Variants in LSM8 observed in about 807,000 individuals in gnomAD.
LSM8 encodes LSM8 U6 small nuclear RNA associated.
Under a neutral mutation model 15.0 loss-of-function variants are expected in LSM8, and 14 were observed. That is an observed-to-expected ratio of 0.93 (90% confidence interval 0.62 to 1.46). The LOEUF (loss-of-function observed/expected upper bound fraction) is 1.46. Among genes scored for constraint, LSM8 ranks in the 40% most tolerant of loss-of-function variants. LSM8 has a pLI of 0.00. For synonymous variants in LSM8, 50 were observed against 42.1 expected, an observed-to-expected ratio of 1.19 and a Z score of -0.73; for missense variants, 90 against 115.4, an observed-to-expected ratio of 0.78 and a Z score of 1.01.
At position 118,203,201 on chromosome 7, in the gene LSM8, T is replaced by C. The variant is rs1809195955; in HGVS notation, c.*11199T>C. On this transcript the variant is annotated 3_prime_UTR_variant, in exon 4 of 4. Transcript: ENST00000249299. ...TAAGAAGACTCATTTAAAAAATTAATCTCAAAAAACAGATTTTAAATTGTA... is the reference window on the plus strand; with the variant it reads ...TAAGAAGACTCATTTAAAAAATTAACCTCAAAAAACAGATTTTAAATTGTA... Among the ~76,000 whole-genome samples, 1 of 151,888 alleles carries C rather than the reference T, an allele frequency of 6.6e-6. No individual in the cohort carries two copies. The highest frequency in any genetic ancestry group is 2.1e-4 in the South Asian group (1 of 4,832).
At chr7:118,184,476 A>C in intron 1 of LSM8, 1 of 453,216 alleles carries the variant, frequency 2.2e-6, no homozygotes, top group Non-Finnish European at 3.8e-6. Flanking sequence ...CCAAATAAAA[A>C]CCCAGTGTGA....
In LSM8 at chr7:118,199,115, C is replaced by A. The variant is rs1273132066; in HGVS notation, c.*7113C>A. Among the ~76,000 whole-genome samples the A allele has an allele frequency of 6.6e-6, 1 of 152,168 alleles. No individual in the cohort carries two copies. Among genetic ancestry groups the A allele is most frequent in the Admixed American group, 6.5e-5 (1 of 15,270 alleles). On this transcript the variant is annotated 3_prime_UTR_variant, in exon 4 of 4. Coordinates refer to ENST00000249299, the MANE Select transcript of LSM8 (RefSeq NM_016200.5). Reference sequence around the variant, plus strand: ...TTCTCCTGATTTTCACCCTGCACACCTTTTCCATTTACTGATTTTAATCTA... The same window carrying A: ...TTCTCCTGATTTTCACCCTGCACACATTTTCCATTTACTGATTTTAATCTA...
In LSM8 at chr7:118,198,144, T is replaced by C. The variant is rs1217031995; in HGVS notation, c.*6142T>C. 6.6e-6 allele frequency among the ~76,000 whole-genome samples: 1 copy of C among 152,154 alleles called. No individual in the cohort carries two copies. Among genetic ancestry groups the C allele is most frequent in the Non-Finnish European group, 1.5e-5 (1 of 68,022 alleles). On this transcript the variant is annotated 3_prime_UTR_variant, in exon 4 of 4. Coordinates refer to ENST00000249299, the MANE Select transcript of LSM8 (RefSeq NM_016200.5). ...TAATGTGATGTTTTTAATCACATAT[T>C]TTAAAATTAAAAATTTGATCAAATT...
chr7:118,203,757 A>T lies in LSM8; in HGVS notation c.*11755A>T, dbSNP rs77873447. On this transcript the variant is annotated 3_prime_UTR_variant, in exon 4 of 4. Coordinates refer to ENST00000249299, the MANE Select transcript of LSM8 (RefSeq NM_016200.5). ...CAGTTTAGTTGAGAAAATAAATCAT[A>T]ATTTGTGATTTCAAACATTTAATAT... Among the ~76,000 whole-genome samples the T allele has an allele frequency of 0.069, 10,414 of 151,876 alleles. 388 individuals carry two copies. Among genetic ancestry groups the T allele is most frequent in the East Asian group, 0.11 (564 of 5,168 alleles).
At chr7:118,187,223 A>G (rs951640820) in intron 2 of LSM8, among the ~76,000 whole-genome samples, 1 of 152,186 alleles carries the variant, frequency 6.6e-6, no homozygotes, top group Non-Finnish European at 1.5e-5. Context: ...CTCATTTTAT[A>G]TATTTTGACT....
intron 3 of LSM8, 161 bp from the exon 4 acceptor site, chr7:118,191,751 C>A (rs1029297045): frequency 5.2e-6 from 3 of 573,732 alleles, no homozygotes; most frequent in African/African-American, 3.8e-5. Context: ...CACTGACTCA[C>A]GCCAATGTTG....
In LSM8 at chr7:118,193,941, G is replaced by C. The variant is rs1351666979; in HGVS notation, c.*1939G>C. On this transcript the variant is annotated 3_prime_UTR_variant, in exon 4 of 4. Transcript: ENST00000249299. ...CTTATAAAGCTGTATTTTCCTGATT[G>C]ATGTTGGAAAAAGCATTCCCAAAAT... 6.6e-6 allele frequency among the ~76,000 whole-genome samples: 1 copy of C among 152,038 alleles called. No individual in the cohort carries two copies. The highest frequency in any genetic ancestry group is 1.5e-5 in the Non-Finnish European group (1 of 67,954).
In LSM8 at chr7:118,194,420, C is replaced by T. The variant is rs1182022706; in HGVS notation, c.*2418C>T. Among the ~76,000 whole-genome samples, 1 of 151,590 alleles carries T rather than the reference C, an allele frequency of 6.6e-6. No individual in the cohort carries two copies. Among genetic ancestry groups the T allele is most frequent in the African/African-American group, 2.4e-5 (1 of 41,246 alleles). On this transcript the variant is annotated 3_prime_UTR_variant, in exon 4 of 4. Coordinates refer to ENST00000249299, the MANE Select transcript of LSM8 (RefSeq NM_016200.5). ...AAACTAATAGTTTAAAATAACATTG[C>T]TTTTATGTCAAAGCACTTTGGTAAC...
chr7:118,184,365 G>T, intron 1 of LSM8, 111 bp downstream of exon 1: 1 of 1,259,396 alleles, frequency 7.9e-7, no homozygotes, highest in East Asian at 3.1e-5. Flanking sequence ...GGGGGCGGGC[G>T]AGGAGATGAG....
At chr7:118,184,349 G>A in intron 1 of LSM8, 95 bp downstream of exon 1, 5 of 1,342,668 alleles carry the variant, frequency 3.7e-6, no homozygotes, top group Non-Finnish European at 4.9e-6. Flanking sequence ...GCCTCGGCGG[G>A]ATCCTGGGGG....
Position 118,188,135 on chromosome 7 carries a change from T to A in LSM8, c.73-143T>A, listed in dbSNP as rs572505706. ...TAAATTGTGTACCCTCGAATACTGT[T>A]GGTTATAAAAAAGGCATTTTATTTG... On this transcript the variant is annotated intron_variant, in intron 2 of 3. Coordinates refer to ENST00000249299, the MANE Select transcript of LSM8 (RefSeq NM_016200.5). 1.9e-4 allele frequency: 164 copies of A among 860,426 alleles called. 2 individuals carry two copies. In the South Asian group the frequency reaches 2.5e-3, roughly 13 times the overall value. 53.3% of individuals were successfully genotyped at this position (860,426 alleles called of 1,614,324 possible).
At position 118,184,189 on chromosome 7, in the gene LSM8, C is replaced by T. The variant is rs908034202; in HGVS notation, c.-35C>T. ...CTTTCAGTTCTGCTTGCTGTCGGCA[C>T]CGCTGCGTTACCCGGAACCGCCGGG... On this transcript the variant is annotated 5_prime_UTR_variant, in exon 1 of 4. Coordinates refer to ENST00000249299, the MANE Select transcript of LSM8 (RefSeq NM_016200.5). 6 of 1,543,260 alleles carry T rather than the reference C, an allele frequency of 3.9e-6. No individual in the cohort carries two copies. Among genetic ancestry groups the T allele is most frequent in the Non-Finnish European group, 5.2e-6 (6 of 1,143,282 alleles).
At position 118,196,010 on chromosome 7, in the gene LSM8, T is replaced by C. The variant is rs1584709451; in HGVS notation, c.*4008T>C. On this transcript the variant is annotated 3_prime_UTR_variant, in exon 4 of 4. Transcript: ENST00000249299. ...GATGCTTTGATGTGATCTTCATTCC[T>C]CTGTATAGTGGGAAACCATGAGACG... Among the ~76,000 whole-genome samples, 1 of 152,220 alleles carries C rather than the reference T, an allele frequency of 6.6e-6. No homozygotes were observed. The highest frequency in any genetic ancestry group is 1.9e-4 in the East Asian group (1 of 5,200).
At position 118,194,375 on chromosome 7, in the gene LSM8, T is replaced by A. The variant is rs946817800; in HGVS notation, c.*2373T>A. 6.9e-6 allele frequency among the ~76,000 whole-genome samples: 1 copy of A among 145,632 alleles called. No homozygotes were observed. Among genetic ancestry groups the A allele is most frequent in the Non-Finnish European group, 1.5e-5 (1 of 66,020 alleles). On this transcript the variant is annotated 3_prime_UTR_variant, in exon 4 of 4. Coordinates refer to ENST00000249299, the MANE Select transcript of LSM8 (RefSeq NM_016200.5). ...ACTGCAAAAGGGACTTTTTTTTTTT[T>A]AACTGACAAGATACTATCTAAACTA...
rs1334281761 is a variant in LSM8 at position 118,203,445 on chromosome 7, A to T, written c.*11443A>T. 6.7e-6 allele frequency among the ~76,000 whole-genome samples: 1 copy of T among 149,234 alleles called. No individual in the cohort carries two copies. The highest frequency in any genetic ancestry group is 2.6e-5 in the African/African-American group (1 of 38,956). ...TTCAAGCTGTAGACTTAAATTTTTT[A>T]AATAGAGTAATGGTTGTTTAGTAGA... On this transcript the variant is annotated 3_prime_UTR_variant, in exon 4 of 4. Transcript: ENST00000249299.
chr7:118,185,609 C>T, intron 1 of LSM8, 45 bp from the exon 2 acceptor site: 3 of 1,523,910 alleles, frequency 2.0e-6, no homozygotes, highest in Non-Finnish European at 2.7e-6. Flanking sequence ...AGTCTGTTTT[C>T]AATTTGCATT....
rs1179761438 is a variant in LSM8, at chr7:118,202,494, A to G, written c.*10492A>G. ...CGTGACTCATATTTTCCATCTAATT[A>G]GAATAAAGAAAGATGAAATAGGAAA... On this transcript the variant is annotated 3_prime_UTR_variant, in exon 4 of 4. Transcript: ENST00000249299. 5.9e-5 allele frequency among the ~76,000 whole-genome samples: 9 copies of G among 152,032 alleles called. No homozygotes were observed. The highest frequency in any genetic ancestry group is 2.2e-4 in the African/African-American group (9 of 41,420).
rs1394419905 is a variant in LSM8 at position 118,196,257 on chromosome 7, C to T, written c.*4255C>T. Among the ~76,000 whole-genome samples the T allele has an allele frequency of 6.6e-6, 1 of 152,164 alleles. No individual in the cohort carries two copies. The highest frequency in any genetic ancestry group is 2.4e-5 in the African/African-American group (1 of 41,438). On this transcript the variant is annotated 3_prime_UTR_variant, in exon 4 of 4. Coordinates refer to ENST00000249299, the MANE Select transcript of LSM8 (RefSeq NM_016200.5). ...TCTGTATCTACCTCAACCAAATCATCTTGACTCAGATTTACTGTCGAAGGT... is the reference window on the plus strand; with the variant it reads ...TCTGTATCTACCTCAACCAAATCATTTTGACTCAGATTTACTGTCGAAGGT...
chr7:118,193,559 A>G lies in LSM8; in HGVS notation c.*1557A>G, dbSNP rs1809023722. ...GGGCTGTCTCTGGGAGAATTAGAGA[A>G]GTTAGCTAGTATTGGCTATTCATAA... On this transcript the variant is annotated 3_prime_UTR_variant, in exon 4 of 4. Coordinates refer to ENST00000249299, the MANE Select transcript of LSM8 (RefSeq NM_016200.5). 6.6e-6 allele frequency among the ~76,000 whole-genome samples: 1 copy of G among 152,112 alleles called. No homozygotes were observed. The highest frequency in any genetic ancestry group is 2.4e-5 in the African/African-American group (1 of 41,424).
Sources: gnomAD v4.1 joint callset for allele counts (sites outside exome capture counted in the v4.1 genomes callset) on GRCh38, gnomAD v4.1.1 for gene constraint, MANE v1.5 for transcripts, NCBI Gene and HGNC (gene_info 2026-07-23, HGNC 2026-07-21) for gene names.